KLHL29: variants seen among roughly 807,000 people sequenced by gnomAD.
KLHL29 encodes the protein kelch like family member 29.
KLHL29 carries 21 observed loss-of-function variants against 80.4 expected under a neutral mutation model. The ratio of observed to expected loss-of-function variants is 0.26; its 90% CI spans 0.19 to 0.38. KLHL29 has a LOEUF of 0.38. Among genes scored for constraint, KLHL29 ranks in the 10% least tolerant of loss-of-function variants. KLHL29 has a pLI of 1.00. For synonymous variants in KLHL29, 511 were observed against 526.8 expected (o/e 0.97, Z 0.41); for missense variants, 867 against 1,223.9 (o/e 0.71, Z 4.35).
rs536170904 is a variant in KLHL29, at chr2:23,619,244, G to A, written c.286-19895G>A. On this transcript the variant is annotated intron_variant, in intron 3 of 13. Transcript: ENST00000486442. ...TGTGACTCTTCCTGCAGCAGGTGAG[G>A]CTCTGAGCTAAATATGTCACACCTG... Among the ~76,000 whole-genome samples the A allele has an allele frequency of 5.9e-5, 9 of 152,348 alleles. No individual in the cohort carries two copies. In the South Asian group the frequency reaches 8.3e-4, roughly 14 times the overall value.
chr2:23,473,726 A>G (rs1284699458), intron 1 of KLHL29, among the ~76,000 whole-genome samples: 1 of 152,184 alleles, frequency 6.6e-6, no homozygotes, highest in African/African-American at 2.4e-5. Flanking sequence ...ACTTCTAAAG[A>G]TGGTGGCTGG....
At chr2:23,480,973 G>A (rs1572347549) in intron 2 of KLHL29, among the ~76,000 whole-genome samples, 1 of 152,310 alleles carries the variant, frequency 6.6e-6, no homozygotes, top group South Asian at 2.1e-4. Flanking sequence ...CTTCTCCCGA[G>A]CCACTGTCAT....
chr2:23,532,215 G>C (rs1295565885), intron 2 of KLHL29, among the ~76,000 whole-genome samples: 1 of 152,252 alleles, frequency 6.6e-6, no homozygotes, highest in African/African-American at 2.4e-5. Context: ...GACATGTGCT[G>C]CCTGGTCTGA....
intron 1 of KLHL29, among the ~76,000 whole-genome samples, chr2:23,439,865 T>C (rs1663460200): frequency 2.6e-5 from 4 of 151,904 alleles, no homozygotes; most frequent in Non-Finnish European, 5.9e-5. Flanking sequence ...CTGGGTATCC[T>C]TGTTAACTTT....
chr2:23,620,494 G>A (rs767491915), intron 3 of KLHL29, among the ~76,000 whole-genome samples: 13 of 152,164 alleles, frequency 8.5e-5, no homozygotes, highest in African/African-American at 2.7e-4. Context: ...GGGGCATGGC[G>A]TGGGGGGACA....
At chr2:23,495,765 G>A (rs948587627) in intron 2 of KLHL29, among the ~76,000 whole-genome samples, 40 of 152,200 alleles carry the variant, frequency 2.6e-4, no homozygotes, top group Non-Finnish European at 5.4e-4. Context: ...GGCTGTGGAC[G>A]CCTACCTTGT....
At position 23,684,789 on chromosome 2, in the gene KLHL29, C is replaced by T. The variant is rs548167273; in HGVS notation, c.1079+252C>T. Among the ~76,000 whole-genome samples, 2 of 152,292 alleles carry T rather than the reference C, an allele frequency of 1.3e-5. No individual in the cohort carries two copies. Among genetic ancestry groups the T allele is most frequent in the South Asian group, 4.2e-4 (2 of 4,808 alleles). On this transcript the variant is annotated intron_variant, in intron 6 of 13. Transcript: ENST00000486442. This position sits in a 1 kb window ranked among gnomAD's most constrained non-coding sequence, Gnocchi z 4.4. ...CAGCTTTGCTGGTCACCAGGGGCCT[C>T]TGCCAGCAGTAGACAACACCGTGCC... is the stretch of plus-strand genomic sequence containing the variant.
At chr2:23,539,431 CCT>C (rs1491550647) in intron 2 of KLHL29, among the ~76,000 whole-genome samples, 29,178 of 106,896 alleles carry the variant, frequency 0.27, 7,731 homozygotes, top group Non-Finnish European at 0.31. Flanking sequence ...TATCCTGCCT[CCT>C]TTTTTTTTTT....
At chr2:23,608,863 G>A (rs79595931) in intron 3 of KLHL29, among the ~76,000 whole-genome samples, 3 of 152,034 alleles carry the variant, frequency 2.0e-5, no homozygotes, top group Non-Finnish European at 2.9e-5. Flanking sequence ...TAATAATAAC[G>A]ATAAAGATAA....
intron 1 of KLHL29, among the ~76,000 whole-genome samples, chr2:23,421,031 A>G (rs1196525182): frequency 6.6e-6 from 1 of 152,156 alleles, no homozygotes; most frequent in Non-Finnish European, 1.5e-5. Flanking sequence ...TCCTCACAGC[A>G]ACCTTCTGGG....
At chr2:23,704,693 G>A (rs775795064) in intron 13 of KLHL29, among the ~76,000 whole-genome samples, 1 of 152,176 alleles carries the variant, frequency 6.6e-6, no homozygotes, top group African/African-American at 2.4e-5. Context: ...CTTGAACCCG[G>A]GAGGCGGAGG....
At chr2:23,637,109 G>A (rs1350059761) in intron 3 of KLHL29, among the ~76,000 whole-genome samples, 1 of 152,172 alleles carries the variant, frequency 6.6e-6, no homozygotes, top group Non-Finnish European at 1.5e-5. Context: ...CAGGAAGGGA[G>A]TGCCGGTCAG....
chr2:23,626,923 G>A (rs541669401), intron 3 of KLHL29, among the ~76,000 whole-genome samples: 60 of 152,268 alleles, frequency 3.9e-4, no homozygotes, highest in African/African-American at 1.4e-3. Context: ...CTCCAAGGGC[G>A]GGCCAGGCCC....
At position 23,516,717 on chromosome 2, in the gene KLHL29, C is replaced by T. The variant is rs1363173425; in HGVS notation, c.-46+41050C>T. Among the ~76,000 whole-genome samples the T allele has an allele frequency of 2.0e-5, 3 of 152,322 alleles. No homozygotes were observed. The East Asian group carries it at 5.8e-4, about 29-fold the overall frequency. ...ATAGGCAAGGGGCTGGGAAGTGGACCCTCGAGCCGGTTGGCCAATCAGCAG... is the reference window on the plus strand; with the variant it reads ...ATAGGCAAGGGGCTGGGAAGTGGACTCTCGAGCCGGTTGGCCAATCAGCAG... On this transcript the variant is annotated intron_variant, in intron 2 of 13. Coordinates refer to ENST00000486442, the MANE Select transcript of KLHL29 (RefSeq NM_052920.2).
chr2:23,602,613 A>ATTT (rs3028904), intron 3 of KLHL29, among the ~76,000 whole-genome samples: 1 of 140,318 alleles, frequency 7.1e-6, no homozygotes, highest in African/African-American at 2.6e-5. Context: ...CTCTACGTGA[A>ATTT]TTTTTTTTTT....
At chr2:23,636,761 G>A (rs747288643) in intron 3 of KLHL29, among the ~76,000 whole-genome samples, 12 of 152,196 alleles carry the variant, frequency 7.9e-5, no homozygotes, top group Non-Finnish European at 1.5e-4. Flanking sequence ...AGCAATCTGT[G>A]TTGGAAAAGT....
chr2:23,541,765 C>CAAAAA (rs149080311), intron 2 of KLHL29, among the ~76,000 whole-genome samples: 50 of 139,908 alleles, frequency 3.6e-4, no homozygotes, highest in African/African-American at 9.6e-4. Flanking sequence ...AAGCCCAACC[C>CAAAAA]AAAAAACAAA....
chr2:23,421,734 GTGTA>G (rs372812926), intron 1 of KLHL29, among the ~76,000 whole-genome samples: 4,366 of 151,136 alleles, frequency 0.029, 217 homozygotes, highest in African/African-American at 0.1. Flanking sequence ...TCTGTGTTGT[GTGTA>G]TGTGTGTGTG....
intron 5 of KLHL29, among the ~76,000 whole-genome samples, chr2:23,653,560 G>A (rs1412210844): frequency 6.6e-6 from 1 of 152,202 alleles, no homozygotes; most frequent in Non-Finnish European, 1.5e-5. Flanking sequence ...ACAGGGACAA[G>A]ACACGCACCA....
Sources: allele counts gnomAD v4.1 joint callset (sites outside exome capture counted in the v4.1 genomes callset), GRCh38; gene constraint gnomAD v4.1.1; non-coding constraint Gnocchi (gnomAD v3.1); transcripts MANE v1.5; gene names NCBI Gene and HGNC (gene_info 2026-07-23, HGNC 2026-07-21).